The following UBE4B variants were observed in gnomAD, a reference collection of about 807,000 sequenced individuals.
The protein encoded by UBE4B is ubiquitination factor E4B, also known as ubiquitin conjugation factor E4 B.
In UBE4B, 27 loss-of-function variants were observed where a neutral mutation model predicts 148.1. The ratio of observed to expected loss-of-function variants is 0.18; its 90% confidence interval spans 0.13 to 0.25. UBE4B has a LOEUF of 0.25. Ranked by LOEUF, UBE4B falls within the 10% of genes least tolerant of loss-of-function variation. UBE4B has a pLI of 1.00. For missense variants in UBE4B, 1,170 were observed against 1,662.4 expected, an observed-to-expected ratio of 0.70 and a Z score of 5.15; for synonymous variants, 596 against 619.3, an observed-to-expected ratio of 0.96 and a Z score of 0.56.
At chr1:10,108,506 CCT>C (rs1380292053) in intron 7 of UBE4B, among the ~76,000 whole-genome samples, 2 of 152,172 alleles carry the variant, frequency 1.3e-5, no homozygotes, top group African/African-American at 4.8e-5. Flanking sequence ...TCTTTCTAAT[CCT>C]CTGACTCATT....
chr1:10,116,548 C>T (rs1378036492), intron 7 of UBE4B, among the ~76,000 whole-genome samples: 1 of 152,140 alleles, frequency 6.6e-6, no homozygotes, highest in Non-Finnish European at 1.5e-5. Context: ...CGTAATTAAT[C>T]CGTATGTGTC....
At chr1:10,099,171 G>A (rs568820848) in intron 3 of UBE4B, among the ~76,000 whole-genome samples, 36 of 152,182 alleles carry the variant, frequency 2.4e-4, no homozygotes, top group Admixed American at 4.6e-4. Flanking sequence ...GAACCTGGGA[G>A]GCAGGGGTTG....
intron 25 of UBE4B, among the ~76,000 whole-genome samples, chr1:10,171,921 G>A (rs1485863078): frequency 6.6e-6 from 1 of 152,102 alleles, no homozygotes; most frequent in Non-Finnish European, 1.5e-5. Flanking sequence ...AAAAACAAAA[G>A]TAAAGAGCAG....
At chr1:10,090,793 T>TTGTGTGTGTGTG (rs57486350) in intron 2 of UBE4B, among the ~76,000 whole-genome samples, 321 of 141,498 alleles carry the variant, frequency 2.3e-3, no homozygotes, top group African/African-American at 6.4e-3. Flanking sequence ...GCCTATGCAT[T>TTGTGTGTGTGTG]TGTGTGTGTG....
chr1:10,081,081 A>G (rs1466341563), intron 2 of UBE4B, among the ~76,000 whole-genome samples: 2 of 152,200 alleles, frequency 1.3e-5, no homozygotes. Context: ...ATTATTATTG[A>G]GACGAAGTTT....
intron 23 of UBE4B, among the ~76,000 whole-genome samples, chr1:10,162,464 C>T (rs1462049475): frequency 2.0e-5 from 3 of 152,094 alleles, no homozygotes; most frequent in African/African-American, 7.2e-5. Context: ...TGAGCCATTG[C>T]ACCCGGACAA....
Position 10,180,473 on chromosome 1 carries a change from A to G in UBE4B, c.*517A>G, listed in dbSNP as rs1646490100. On this transcript the variant is annotated 3_prime_UTR_variant, in exon 28 of 28. Transcript: ENST00000343090. ...CCTTTCCCTGGCCCTCCAAACATAT[A>G]TTCTGTGAGATAACTGTGCCTGCTA... The G allele has an allele frequency of 6.5e-6, 1 of 153,308 alleles. No homozygotes were observed. The highest frequency in any genetic ancestry group is 2.1e-4 in the South Asian group (1 of 4,864). 9.5% of individuals were successfully genotyped at this position (153,308 alleles called of 1,614,324 possible).
chr1:10,117,050 A>G (rs746185119), intron 7 of UBE4B, among the ~76,000 whole-genome samples: 2 of 152,148 alleles, frequency 1.3e-5, no homozygotes, highest in African/African-American at 2.4e-5. Flanking sequence ...GATGAGGGCT[A>G]TTTTGTCAGT....
At chr1:10,116,889 A>G (rs1645319451) in intron 7 of UBE4B, among the ~76,000 whole-genome samples, 1 of 152,144 alleles carries the variant, frequency 6.6e-6, no homozygotes. Flanking sequence ...CTTTTACTAT[A>G]CTACTTTACC....
intron 22 of UBE4B, 89 bp downstream of exon 22, chr1:10,158,571 G>C: frequency 6.6e-7 from 1 of 1,512,164 alleles, no homozygotes; most frequent in Admixed American, 2.0e-5. Context: ...CTGGGTTCTT[G>C]TTGACTGTTT....
At chr1:10,092,272 C>T (rs1252342845) in intron 2 of UBE4B, among the ~76,000 whole-genome samples, 4 of 151,980 alleles carry the variant, frequency 2.6e-5, no homozygotes, top group African/African-American at 9.7e-5. Context: ...TCACCCAGGC[C>T]GGAGTGCCGT....
At chr1:10,036,172 C>A (rs1434695911) in intron 1 of UBE4B, among the ~76,000 whole-genome samples, 1 of 150,678 alleles carries the variant, frequency 6.6e-6, no homozygotes, top group African/African-American at 2.4e-5. Flanking sequence ...TCTTTTCAAA[C>A]CAGTGAGGCA....
Position 10,119,529 on chromosome 1 carries a change from C to T in UBE4B, c.1355C>T (p.Ala452Val). The change falls in exon 9 of 28, where the codon GCA becomes GTA. Residue 452 changes from alanine to valine, a missense_variant. Ala to Val is a moderately conservative substitution (Grantham distance 64, BLOSUM62 0). This residue lies in a region of UBE4B where 388 missense variants were observed against 536.0 expected (regional missense o/e 0.72). Transcript: ENST00000343090. ...CCTTTTCAGATGTGCAGCCAGCCAGCAGTCAGCCAGCTTCTGAGCAACATC... is the reference window on the plus strand; with the variant it reads ...CCTTTTCAGATGTGCAGCCAGCCAGTAGTCAGCCAGCTTCTGAGCAACATC... Reference protein sequence around the residue: ...KKAPKMCSQPAVSQLLSNIRS... With the variant: ...KKAPKMCSQPVVSQLLSNIRS... 1 of 1,613,562 alleles carries T rather than the reference C, an allele frequency of 6.2e-7. No homozygotes were observed. Among genetic ancestry groups the T allele is most frequent in the Non-Finnish European group, 8.5e-7 (1 of 1,179,572 alleles).
chr1:10,079,539 A>G (rs1459713463), intron 2 of UBE4B, among the ~76,000 whole-genome samples: 1 of 152,240 alleles, frequency 6.6e-6, no homozygotes, highest in Non-Finnish European at 1.5e-5. Context: ...ATATTTTTAA[A>G]GATTGTAATA....
At chr1:10,128,020 G>A (rs1352870096) in intron 11 of UBE4B, among the ~76,000 whole-genome samples, 1 of 152,186 alleles carries the variant, frequency 6.6e-6, no homozygotes, top group Non-Finnish European at 1.5e-5. Flanking sequence ...TCTTTCCATT[G>A]TACATGTTAT....
At chr1:10,154,895 G>A (rs1646042413) in intron 21 of UBE4B, among the ~76,000 whole-genome samples, 2 of 151,536 alleles carry the variant, frequency 1.3e-5, no homozygotes, top group Non-Finnish European at 2.9e-5. Context: ...TAGTAACAGC[G>A]CATTGGTTAT....
intron 1 of UBE4B, among the ~76,000 whole-genome samples, chr1:10,063,927 A>G (rs1379684138): frequency 6.6e-6 from 1 of 151,958 alleles, no homozygotes; most frequent in Admixed American, 6.6e-5. Flanking sequence ...AAAAAAAAGA[A>G]AAGTACATCT....
intron 2 of UBE4B, among the ~76,000 whole-genome samples, chr1:10,090,259 A>G (rs1220681433): frequency 2.0e-5 from 3 of 152,072 alleles, no homozygotes; most frequent in Admixed American, 6.6e-5. Context: ...AGGTGGGACT[A>G]CAGGCGCATA....
chr1:10,135,077 A>T lies in UBE4B; in HGVS notation c.2115A>T (p.Thr705=), dbSNP rs1241240729. Residue 705 remains threonine (T), a synonymous_variant, in exon 16 of 28, where the codon ACA becomes ACT. Transcript: ENST00000343090. ...TAAGTACAAAAATCAAGTTAGAAAC[A>T]GTTGATCCCACGTATATTTTTCACC... The part of the protein sequence containing the change: ...QQLSTKIKLE[T]VDPTYIFHPR... 1 of 1,614,186 alleles carries T rather than the reference A, an allele frequency of 6.2e-7. No homozygotes were observed. Among genetic ancestry groups the T allele is most frequent in the South Asian group, 1.1e-5 (1 of 91,080 alleles).
Sources: allele counts gnomAD v4.1 joint callset (sites outside exome capture counted in the v4.1 genomes callset), GRCh38; gene constraint gnomAD v4.1.1; regional missense constraint gnomAD v4.1.1; transcripts MANE v1.5; gene names NCBI Gene and HGNC (gene_info 2026-07-23, HGNC 2026-07-21).